Variants in STXBP5 observed in about 807,000 individuals in gnomAD.
STXBP5 encodes the protein syntaxin-binding protein 5.
STXBP5 carries 50 observed loss-of-function variants against 152.4 expected under a neutral mutation model. The ratio of observed to expected loss-of-function variants is 0.33; its 90% CI spans 0.26 to 0.42. STXBP5 has a LOEUF of 0.42. Ranked by LOEUF, STXBP5 falls within the 10% of genes least tolerant of loss-of-function variation. The pLI is 1.00. For missense variants in STXBP5, 1,167 were observed against 1,388.6 expected (o/e 0.84, Z 2.54); for synonymous variants, 492 against 494.7 (o/e 0.99, Z 0.07).
intron 22 of STXBP5, among the ~76,000 whole-genome samples, chr6:147,356,492 G>T (rs1038480310): frequency 1.2e-4 from 18 of 151,688 alleles, no homozygotes; most frequent in Non-Finnish European, 2.5e-4. Flanking sequence ...AAACTGTATT[G>T]AGGTGTTGAT....
intron 8 of STXBP5, among the ~76,000 whole-genome samples, chr6:147,283,565 G>A (rs538899637): frequency 9.2e-5 from 14 of 152,200 alleles, no homozygotes; most frequent in African/African-American, 3.1e-4. Flanking sequence ...ACTTACACAC[G>A]AGGATTGTGC....
intron 6 of STXBP5, among the ~76,000 whole-genome samples, chr6:147,264,989 A>T (rs1779821359): frequency 6.6e-6 from 1 of 152,060 alleles, no homozygotes; most frequent in South Asian, 2.1e-4. Flanking sequence ...TGGCAGATTT[A>T]ATACTAGAAC....
intron 6 of STXBP5, among the ~76,000 whole-genome samples, chr6:147,264,115 A>G (rs1343733430): frequency 2.0e-5 from 3 of 151,702 alleles, no homozygotes; most frequent in Admixed American, 6.6e-5. Context: ...TTAGGGTGCT[A>G]GAATAAACTA....
intron 9 of STXBP5, among the ~76,000 whole-genome samples, chr6:147,309,664 C>T (rs922395326): frequency 2.6e-5 from 4 of 151,778 alleles, no homozygotes; most frequent in East Asian, 1.9e-4. Context: ...ATTCTTGATG[C>T]GTTCTTGAGA....
intron 9 of STXBP5, among the ~76,000 whole-genome samples, chr6:147,299,032 A>C (rs1197791917): frequency 6.6e-6 from 1 of 152,058 alleles, no homozygotes; most frequent in Non-Finnish European, 1.5e-5. Context: ...AATGAAACAC[A>C]GTTTGTACAA....
At chr6:147,343,705 C>T (rs1046631536) in intron 21 of STXBP5, among the ~76,000 whole-genome samples, 1 of 152,128 alleles carries the variant, frequency 6.6e-6, no homozygotes, top group Non-Finnish European at 1.5e-5. Flanking sequence ...AATAAATTCA[C>T]AAAGGTTCAT....
chr6:147,254,851 G>A lies in STXBP5; in HGVS notation c.432-5764G>A, dbSNP rs147408819. Among the ~76,000 whole-genome samples the A allele has an allele frequency of 4.1e-3, 618 of 152,302 alleles. 6 individuals are homozygous for A. Among genetic ancestry groups the A allele is most frequent in the African/African-American group, 0.014 (591 of 41,564 alleles). On this transcript the variant is annotated intron_variant, in intron 4 of 27. Transcript: ENST00000321680. ...GGAGAGGATGTGGAGAAATAGGAAT[G>A]CGTTTACTTTGTTGGTGGGAGTGTA...
At chr6:147,298,326 A>G (rs1190214708) in intron 9 of STXBP5, among the ~76,000 whole-genome samples, 1 of 152,074 alleles carries the variant, frequency 6.6e-6, no homozygotes, top group Non-Finnish European at 1.5e-5. Flanking sequence ...ATTGAACACT[A>G]GAGCACACAA....
chr6:147,269,722 A>G (rs1447124933), intron 7 of STXBP5, among the ~76,000 whole-genome samples: 1 of 152,174 alleles, frequency 6.6e-6, no homozygotes, highest in African/African-American at 2.4e-5. Flanking sequence ...GGTGAAAAAT[A>G]CTCTGAACAG....
intron 25 of STXBP5, 39 bp downstream of exon 25, chr6:147,364,205 A>C (rs757913947): frequency 5.1e-6 from 8 of 1,567,636 alleles, no homozygotes; most frequent in African/African-American, 1.4e-5. Context: ...CTTCAGAGGT[A>C]AAGTATTCTC....
intron 18 of STXBP5, among the ~76,000 whole-genome samples, chr6:147,332,403 TTAAAA>T (rs1783620648): frequency 6.6e-6 from 1 of 152,108 alleles, no homozygotes. Context: ...AGTGTTAAAT[TTAAAA>T]TAAAATAGAG....
intron 4 of STXBP5, among the ~76,000 whole-genome samples, chr6:147,249,270 C>T (rs1408883900): frequency 6.6e-6 from 1 of 151,934 alleles, no homozygotes; most frequent in Non-Finnish European, 1.5e-5. Context: ...AAAAAATACA[C>T]CTGGTATTAG....
In STXBP5 at chr6:147,306,840, A is replaced by G. The variant is rs567103087; in HGVS notation, c.918-3244A>G. On this transcript the variant is annotated intron_variant, in intron 9 of 27. Coordinates refer to ENST00000321680, the MANE Select transcript of STXBP5 (RefSeq NM_001127715.4). ...ACTGTCCTCGTCATGCTGTCTCACTATCGCTCCTGTGGCCCTGCCCTCACA... is the reference window on the plus strand; with the variant it reads ...ACTGTCCTCGTCATGCTGTCTCACTGTCGCTCCTGTGGCCCTGCCCTCACA... Among the ~76,000 whole-genome samples the G allele has an allele frequency of 1.4e-3, 217 of 152,300 alleles. 1 individual carries two copies. The highest frequency in any genetic ancestry group is 4.9e-3 in the African/African-American group (204 of 41,566).
At chr6:147,281,547 A>G (rs1314843501) in intron 8 of STXBP5, among the ~76,000 whole-genome samples, 3 of 152,202 alleles carry the variant, frequency 2.0e-5, no homozygotes, top group African/African-American at 4.8e-5. Flanking sequence ...CTTAATTTCT[A>G]GCCAAACAGT....
In STXBP5 at chr6:147,388,550, T is replaced by C. The variant is rs899732536; in HGVS notation, c.*3795T>C. 1.1e-4 allele frequency: 17 copies of C among 151,540 alleles called. No individual in the cohort carries two copies. The highest frequency in any genetic ancestry group is 4.1e-4 in the African/African-American group (17 of 41,398). 9.4% of individuals were successfully genotyped at this position (151,540 alleles called of 1,614,324 possible). A position where few individuals can be genotyped will look rare whatever the true frequency, so the allele number is the denominator to read the frequency against. On this transcript the variant is annotated 3_prime_UTR_variant, in exon 28 of 28. Coordinates refer to ENST00000321680, the MANE Select transcript of STXBP5 (RefSeq NM_001127715.4). ...TATGTATATTATCCATACAAAAAGT[T>C]ATGTTTTACGCTTATAATAAGAAAT... is the stretch of plus-strand genomic sequence containing the variant.
chr6:147,275,495 C>T (rs1204645678), intron 7 of STXBP5, among the ~76,000 whole-genome samples: 1 of 149,240 alleles, frequency 6.7e-6, no homozygotes, highest in South Asian at 2.1e-4. Context: ...CTAACATGAT[C>T]CTGTTATTCA....
At chr6:147,380,291 G>A (rs1045105631) in intron 26 of STXBP5, among the ~76,000 whole-genome samples, 1 of 151,864 alleles carries the variant, frequency 6.6e-6, no homozygotes, top group Non-Finnish European at 1.5e-5. Context: ...CATCAAGACA[G>A]TGTGGTACTG....
chr6:147,287,664 G>C (rs1028941271), intron 8 of STXBP5, among the ~76,000 whole-genome samples: 1 of 152,090 alleles, frequency 6.6e-6, no homozygotes, highest in African/African-American at 2.4e-5. Flanking sequence ...AACTTATTCA[G>C]CTATTTCAAA....
chr6:147,320,416 A>G (rs765181649), intron 16 of STXBP5, among the ~76,000 whole-genome samples: 1 of 152,086 alleles, frequency 6.6e-6, no homozygotes, highest in Non-Finnish European at 1.5e-5. Flanking sequence ...TACATTAATT[A>G]TTTCCATATT....
Sources: allele counts gnomAD v4.1 joint callset (sites outside exome capture counted in the v4.1 genomes callset), GRCh38; gene constraint gnomAD v4.1.1; transcripts MANE v1.5; gene names NCBI Gene and HGNC (gene_info 2026-07-23, HGNC 2026-07-21).